RGS20: variants seen among roughly 807,000 people sequenced by gnomAD.
The protein encoded by RGS20 is regulator of G protein signaling 20, also known as gz-selective GTPase-activating protein.
A neutral mutation model predicts 33.6 loss-of-function variants in RGS20; 30 were observed. The ratio of observed to expected loss-of-function variants is 0.89; its 90% CI spans 0.67 to 1.21. The LOEUF is 1.21. RGS20 is among the 50% of genes most tolerant of loss of function. RGS20 has a pLI of 0.00. For synonymous variants in RGS20, 208 were observed against 197.9 expected (o/e 1.05, Z -0.43); for missense variants, 472 against 502.4 (o/e 0.94, Z 0.58).
chr8:53,950,105 G>A (rs545012643), intron 4 of RGS20, among the ~76,000 whole-genome samples: 1 of 152,184 alleles, frequency 6.6e-6, no homozygotes, highest in East Asian at 1.9e-4. Flanking sequence ...CTCCCAAAGT[G>A]CTAGGATTAC....
intron 2 of RGS20, among the ~76,000 whole-genome samples, chr8:53,900,625 C>G (rs1463543543): frequency 6.6e-6 from 1 of 152,196 alleles, no homozygotes; most frequent in Non-Finnish European, 1.5e-5. Context: ...CATACATTCT[C>G]TCATTTAATC....
intron 2 of RGS20, among the ~76,000 whole-genome samples, chr8:53,939,146 A>C (rs1585942214): frequency 6.6e-6 from 1 of 151,400 alleles, no homozygotes; most frequent in Admixed American, 6.6e-5. Context: ...TCCCATGTTG[A>C]CCTCCTCCCA....
chr8:53,926,017 T>C (rs1008156176), intron 2 of RGS20, among the ~76,000 whole-genome samples: 1 of 152,036 alleles, frequency 6.6e-6, no homozygotes, highest in African/African-American at 2.4e-5. Flanking sequence ...GCCCAGGAGT[T>C]TGAGACATAG....
rs34390232 is a variant in RGS20, at chr8:53,882,643, C to CAAAAA, written c.510+3055_510+3059dup. Among the ~76,000 whole-genome samples, 330 of 103,390 alleles carry CAAAAA rather than the reference C, an allele frequency of 3.2e-3. 2 individuals carry two copies. The highest frequency in any genetic ancestry group is 0.01 in the African/African-American group (313 of 30,748). The allele number at this position is 103,390 out of a possible 152,430, so 67.8% of individuals were successfully genotyped here. ...TGGGCGACAGAGCAAGACTCCGTCTCAAAAAAAAAAAAAAAAAATGGCAAA... is the reference window on the plus strand; with the variant it reads ...TGGGCGACAGAGCAAGACTCCGTCTCAAAAAAAAAAAAAAAAAAAAAAATGGCAAA... On this transcript the variant is annotated intron_variant, in intron 2 of 5. Coordinates refer to ENST00000297313, the MANE Select transcript of RGS20 (RefSeq NM_170587.4).
intron 5 of RGS20, among the ~76,000 whole-genome samples, chr8:53,957,422 T>A (rs1280196048): frequency 6.6e-6 from 1 of 152,220 alleles, no homozygotes; most frequent in African/African-American, 2.4e-5. Context: ...ACAGGCATTG[T>A]CTGCCCTCAG....
intron 3 of RGS20, among the ~76,000 whole-genome samples, chr8:53,940,640 T>C (rs1429017155): frequency 1.3e-5 from 2 of 152,176 alleles, no homozygotes; most frequent in African/African-American, 4.8e-5. Flanking sequence ...CTCAGGCTAG[T>C]ATTCATTTCC....
At chr8:53,883,156 T>TA (rs1812444489) in intron 2 of RGS20, among the ~76,000 whole-genome samples, 3 of 149,156 alleles carry the variant, frequency 2.0e-5, no homozygotes, top group African/African-American at 7.5e-5. Flanking sequence ...CATCTTTCTT[T>TA]CTTTTTTTTT....
At chr8:53,893,764 A>G (rs1279333110) in intron 2 of RGS20, among the ~76,000 whole-genome samples, 1 of 152,224 alleles carries the variant, frequency 6.6e-6, no homozygotes, top group Non-Finnish European at 1.5e-5. Flanking sequence ...GCAAAATGAA[A>G]TACTTATTAA....
At chr8:53,882,938 G>A (rs996823480) in intron 2 of RGS20, among the ~76,000 whole-genome samples, 1 of 152,154 alleles carries the variant, frequency 6.6e-6, no homozygotes, top group African/African-American at 2.4e-5. Context: ...GCTCCAAACC[G>A]TGGAATTGAC....
chr8:53,853,261 A>G (rs946996055), intron 1 of RGS20, among the ~76,000 whole-genome samples: 4 of 152,266 alleles, frequency 2.6e-5, no homozygotes, highest in African/African-American at 9.6e-5. Context: ...ATATGTGTGT[A>G]TGTATATGCA....
At chr8:53,881,462 C>T (rs1227688596) in intron 2 of RGS20, among the ~76,000 whole-genome samples, 1 of 152,022 alleles carries the variant, frequency 6.6e-6, no homozygotes, top group East Asian at 1.9e-4. Flanking sequence ...AAAGACCAGG[C>T]GGGTGGAAGC....
chr8:53,944,302 G>A (rs1166310581), intron 3 of RGS20, among the ~76,000 whole-genome samples: 1 of 152,184 alleles, frequency 6.6e-6, no homozygotes, highest in African/African-American at 2.4e-5. Context: ...CACTTTGGGA[G>A]GCCGAGGCGG....
intron 1 of RGS20, among the ~76,000 whole-genome samples, chr8:53,863,198 G>T (rs1811846692): frequency 6.6e-6 from 1 of 152,054 alleles, no homozygotes; most frequent in East Asian, 1.9e-4. Context: ...TGTTGGTCAG[G>T]CTGGTCTCAA....
At chr8:53,858,305 A>G (rs967772135) in intron 1 of RGS20, among the ~76,000 whole-genome samples, 3 of 152,172 alleles carry the variant, frequency 2.0e-5, no homozygotes, top group African/African-American at 7.2e-5. Flanking sequence ...GAGCACCTGT[A>G]CACTCCACTT....
At chr8:53,899,908 C>G (rs16919658) in intron 2 of RGS20, among the ~76,000 whole-genome samples, 1 of 152,052 alleles carries the variant, frequency 6.6e-6, no homozygotes, top group Admixed American at 6.5e-5. Context: ...CTCAGCAGAC[C>G]TCCTGGTGCT....
intron 1 of RGS20, among the ~76,000 whole-genome samples, chr8:53,853,428 A>G (rs1014057821): frequency 1.2e-4 from 19 of 152,254 alleles, no homozygotes; most frequent in African/African-American, 3.6e-4. Context: ...GGTGCTGGGC[A>G]GCCTAACTTC....
intron 3 of RGS20, among the ~76,000 whole-genome samples, chr8:53,946,278 G>C (rs1366315164): frequency 6.6e-6 from 1 of 152,016 alleles, no homozygotes; most frequent in African/African-American, 2.4e-5. Context: ...GCCCAGGCTG[G>C]TCTTAAACTC....
chr8:53,904,176 G>A (rs922564766), intron 2 of RGS20, among the ~76,000 whole-genome samples: 2 of 150,770 alleles, frequency 1.3e-5, no homozygotes, highest in African/African-American at 4.9e-5. Flanking sequence ...AGGCTGGAGT[G>A]TAGTGGTGTG....
chr8:53,957,283 T>C (rs1257492255), intron 5 of RGS20, among the ~76,000 whole-genome samples: 1 of 152,164 alleles, frequency 6.6e-6, no homozygotes, highest in African/African-American at 2.4e-5. Flanking sequence ...CCTGCCACCA[T>C]GCCCAGCTAG....
Sources: allele counts gnomAD v4.1 joint callset (sites outside exome capture counted in the v4.1 genomes callset), GRCh38; gene constraint gnomAD v4.1.1; transcripts MANE v1.5; gene names NCBI Gene and HGNC (gene_info 2026-07-23, HGNC 2026-07-21).